The following DCST1 variants were observed in gnomAD, a reference collection of about 807,000 sequenced individuals.
The protein encoded by DCST1 is DC-STAMP domain containing 1.
Under a neutral mutation model 89.1 loss-of-function variants are expected in DCST1, and 78 were observed. The ratio of observed to expected loss-of-function variants is 0.88; its 90% CI spans 0.73 to 1.06. The LOEUF (loss-of-function observed/expected upper bound fraction) is 1.06. Ranked by LOEUF, DCST1 falls within the 50% of genes least tolerant of loss-of-function variation. The pLI is 0.00. For synonymous variants in DCST1, 364 were observed against 371.9 expected (o/e 0.98, Z 0.24); for missense variants, 900 against 928.6 (o/e 0.97, Z 0.40).
intron 13 of DCST1, 115 bp from the exon 14 acceptor site, chr1:155,047,081 C>T (rs954686387): frequency 1.1e-6 from 1 of 873,346 alleles, no homozygotes. Flanking sequence ...GACAGAAAGA[C>T]TCAGGCAGCT....
intron 10 of DCST1, chr1:155,045,267 A>T (rs1660580107): frequency 6.5e-6 from 1 of 152,716 alleles, no homozygotes; most frequent in African/African-American, 2.4e-5. Flanking sequence ...TTTTTTCCTT[A>T]GCAAACTGAA....
chr1:155,034,384 C>T (rs1232071199), intron 2 of DCST1, 51 bp from the exon 3 acceptor site: 1 of 1,612,914 alleles, frequency 6.2e-7, no homozygotes, highest in East Asian at 2.2e-5. Flanking sequence ...CCTAATGAGC[C>T]CCATCCCAGG....
chr1:155,043,632 C>A, intron 10 of DCST1, 123 bp downstream of exon 10: 1 of 1,230,820 alleles, frequency 8.1e-7, no homozygotes, highest in Non-Finnish European at 1.1e-6. Flanking sequence ...ATATTATTTA[C>A]CTTTGTCTTT....
chr1:155,048,430 C>G (rs1013334796), intron 16 of DCST1, among the ~76,000 whole-genome samples: 1 of 152,224 alleles, frequency 6.6e-6, no homozygotes, highest in Non-Finnish European at 1.5e-5. Flanking sequence ...CCACAAGTAG[C>G]CAGGATTACA....
chr1:155,033,936 C>G (rs922318129), intron 1 of DCST1, 36 bp from the exon 2 acceptor site: 2 of 1,466,872 alleles, frequency 1.4e-6, no homozygotes, highest in Non-Finnish European at 1.9e-6. Context: ...TCCCATGAAG[C>G]GGAAGAGACA....
At chr1:155,049,148 C>T in intron 16 of DCST1, 1 of 705,712 alleles carries the variant, frequency 1.4e-6, no homozygotes, top group Non-Finnish European at 2.6e-6. Context: ...TCCCTCATTA[C>T]TATGACAACG....
Position 155,041,530 on chromosome 1 carries a change from G to A in DCST1, c.665G>A (p.Arg222Lys). 6.2e-7 allele frequency: 1 copy of A among 1,614,056 alleles called. No individual in the cohort carries two copies. The highest frequency in any genetic ancestry group is 8.5e-7 in the Non-Finnish European group (1 of 1,180,040). Residue 222 changes from arginine to lysine, a missense_variant, in exon 7 of 17, where the codon AGG (arginine) becomes AAG (lysine). Arg to Lys is a conservative substitution (Grantham distance 26). Transcript: ENST00000295542. ...TMDSGETAQG[R>K]EARQAPASRL... is the part of the protein sequence containing the mutation. ...GACTCAGGGGAGACAGCCCAGGGCA[G>A]GGAGGCCCGCCAAGCCCCAGCCTCC...
At chr1:155,036,642 A>T (rs552448599) in intron 4 of DCST1, among the ~76,000 whole-genome samples, 2 of 152,358 alleles carry the variant, frequency 1.3e-5, no homozygotes, top group East Asian at 3.9e-4. Flanking sequence ...TTAGAGGAAA[A>T]GGGACAAAAG....
intron 9 of DCST1, 102 bp downstream of exon 9, chr1:155,042,958 G>A (rs1660481583): frequency 6.6e-7 from 1 of 1,506,370 alleles, no homozygotes; most frequent in African/African-American, 1.4e-5. Flanking sequence ...GCACAGGAAA[G>A]AGGTGACCAG....
At position 155,048,129 on chromosome 1, in the gene DCST1, A is replaced by G. The variant is rs757443965; in HGVS notation, c.1828A>G (p.Arg610Gly). Residue 610 changes from arginine (R) to glycine (G), a missense_variant, in exon 16 of 17, where the codon AGG (arginine) becomes GGG (glycine). Transcript: ENST00000295542. ...KKRAAFTKLR[R>G]AAILRRERQQ... ...AAGAGCAGCCTTCACCAAACTCAGGAGGGCCGCTATCCTGAGGCGGGAGCG... is the reference window on the plus strand; with the variant it reads ...AAGAGCAGCCTTCACCAAACTCAGGGGGGCCGCTATCCTGAGGCGGGAGCG... 6.2e-7 allele frequency: 1 copy of G among 1,614,078 alleles called. No homozygotes were observed. The highest frequency in any genetic ancestry group is 2.2e-5 in the East Asian group (1 of 44,884).
rs768052271 is a variant in DCST1 at position 155,043,407 on chromosome 1, C to T, written c.1070C>T (p.Thr357Ile). ...AACACAAGCTGGGAGCGCGTGAGCA[C>T]CGAGGTGCGGGACTACGTGTACCGC... ...GLNTSWERVS[T>I]EVRDYVYRQE... Residue 357 changes from threonine to isoleucine, a missense_variant, in exon 10 of 17, where the codon ACC becomes ATC. Coordinates refer to ENST00000295542, the MANE Select transcript of DCST1 (RefSeq NM_152494.4). The T allele has an allele frequency of 1.2e-6, 2 of 1,613,856 alleles. No individual in the cohort carries two copies. The highest frequency in any genetic ancestry group is 1.7e-6 in the Non-Finnish European group (2 of 1,179,962).
At chr1:155,041,980 T>A (rs1660453570) in intron 8 of DCST1, 123 bp downstream of exon 8, 3 of 1,331,368 alleles carry the variant, frequency 2.3e-6, no homozygotes, top group Non-Finnish European at 3.1e-6. Context: ...GGCCACAGCA[T>A]CCTTAGAGCC....
chr1:155,046,762 C>A (rs1398897890), intron 13 of DCST1, among the ~76,000 whole-genome samples: 1 of 151,990 alleles, frequency 6.6e-6, no homozygotes, highest in Non-Finnish European at 1.5e-5. Context: ...TGAGCCACCA[C>A]GGCCAGCTAA....
intron 11 of DCST1, 34 bp from the exon 12 acceptor site, chr1:155,046,091 G>A: frequency 1.9e-6 from 3 of 1,613,984 alleles, no homozygotes; most frequent in South Asian, 1.1e-5. Flanking sequence ...GAGGGCCCTT[G>A]GGCTTCCTAA....
chr1:155,037,438 C>CTTT (rs781136167), intron 4 of DCST1, among the ~76,000 whole-genome samples: 51 of 125,810 alleles, frequency 4.1e-4, no homozygotes, highest in Admixed American at 6.5e-4. Context: ...CATTGTTGGT[C>CTTT]TTTTTTTTTT....
In DCST1 at chr1:155,043,285, TG is replaced by T; in HGVS notation, c.1015-66del. ...GTGGGGTACTGGGGAACAGATGTCA[TG>T]AAGAGGTGGGACCCAGGTCTGACGA... On this transcript the variant is annotated intron_variant, in intron 9 of 16. Coordinates refer to ENST00000295542, the MANE Select transcript of DCST1 (RefSeq NM_152494.4). 2.5e-6 allele frequency: 4 copies of T among 1,609,782 alleles called. No homozygotes were observed. In the South Asian group the frequency reaches 4.4e-5, roughly 18 times the overall value.
At position 155,042,599 on chromosome 1, in the gene DCST1, G is replaced by T. The variant is rs1431290186; in HGVS notation, c.893-136G>T. On this transcript the variant is annotated intron_variant, in intron 8 of 16. Coordinates refer to ENST00000295542, the MANE Select transcript of DCST1 (RefSeq NM_152494.4). ...AAGAGAGCAGAGAGGGGAAGACTCA[G>T]CATTGGTGTGGTAGCAAGCCATGGG... is the stretch of plus-strand genomic sequence containing the variant. 4.3e-6 allele frequency: 5 copies of T among 1,171,076 alleles called. No homozygotes were observed. In the African/African-American group the frequency reaches 7.6e-5, roughly 18 times the overall value. 72.5% of individuals were successfully genotyped at this position (1,171,076 alleles called of 1,614,324 possible).
intron 9 of DCST1, 92 bp downstream of exon 9, chr1:155,042,948 G>A: frequency 6.6e-7 from 1 of 1,516,268 alleles, no homozygotes; most frequent in Non-Finnish European, 8.9e-7. Context: ...AAGTGAGAGG[G>A]CACAGGAAAG....
chr1:155,042,917 G>A lies in DCST1; in HGVS notation c.1014+61G>A. ...TAGGGAGTGGGAGGAGGGCATGAGGGAATAGAGCTAGAGGAAGGACAAGTG... is the reference window on the plus strand; with the variant it reads ...TAGGGAGTGGGAGGAGGGCATGAGGAAATAGAGCTAGAGGAAGGACAAGTG... On this transcript the variant is annotated intron_variant, in intron 9 of 16. Coordinates refer to ENST00000295542, the MANE Select transcript of DCST1 (RefSeq NM_152494.4). 3.1e-6 allele frequency: 5 copies of A among 1,593,498 alleles called. No homozygotes were observed. The South Asian group carries it at 4.5e-5, about 14-fold the overall frequency.
Sources: gnomAD v4.1 joint callset for allele counts (sites outside exome capture counted in the v4.1 genomes callset) on GRCh38, gnomAD v4.1.1 for gene constraint, MANE v1.5 for transcripts, NCBI Gene and HGNC (gene_info 2026-07-23, HGNC 2026-07-21) for gene names.